The following EPHA3 variants were observed in gnomAD, a reference collection of about 807,000 sequenced individuals.
EPHA3 encodes the protein EPH receptor A3, also known as ephrin type-A receptor 3.
In EPHA3, 42 loss-of-function variants were observed where a neutral mutation model predicts 107.1. The ratio of observed to expected loss-of-function variants is 0.39; its 90% CI spans 0.31 to 0.51. The LOEUF is 0.51. Among genes scored for constraint, EPHA3 ranks in the 20% least tolerant of loss-of-function variants. The probability of loss-of-function intolerance (pLI) is 0.78; values close to 1 mark genes in which losing one functional copy is unlikely to be tolerated. For synonymous variants in EPHA3, 461 were observed against 424.8 expected, an observed-to-expected ratio of 1.09 and a Z score of -1.05; for missense variants, 1,183 against 1,211.2, an observed-to-expected ratio of 0.98 and a Z score of 0.35.
chr3:89,467,763 G>T (rs1392288002), intron 15 of EPHA3, among the ~76,000 whole-genome samples: 2 of 152,142 alleles, frequency 1.3e-5, no homozygotes, highest in Non-Finnish European at 2.9e-5. Flanking sequence ...GAAAGAAAGG[G>T]AAGAAAGTTA....
intron 2 of EPHA3, 138 bp from the exon 3 acceptor site, chr3:89,209,722 C>G (rs2107180341): frequency 1.4e-6 from 1 of 705,422 alleles, no homozygotes; most frequent in Middle Eastern, 3.9e-4. Flanking sequence ...GAGAACCTTG[C>G]AAATAAAAAC....
rs1256842246 is a variant in EPHA3 at position 89,450,306 on chromosome 3, A to C, written c.2626A>C (p.Ser876Arg). 6.2e-7 allele frequency: 1 copy of C among 1,614,040 alleles called. No individual in the cohort carries two copies. Among genetic ancestry groups the C allele is most frequent in the Admixed American group, 1.7e-5 (1 of 59,984 alleles). Reference protein sequence around the residue: ...NNRPKFEQIVSILDKLIRNPG... With the variant: ...NNRPKFEQIVRILDKLIRNPG... ...CAGACCCAAGTTTGAGCAGATTGTT[A>C]GTATTCTGGACAAGCTTATCCGGAA... The change falls in exon 15 of 17, where the codon AGT becomes CGT. Residue 876 changes from serine to arginine, a missense_variant. Ser to Arg is a moderately radical substitution (Grantham distance 110). Transcript: ENST00000336596.
chr3:89,393,781 ATTT>A (rs66531830), intron 5 of EPHA3, among the ~76,000 whole-genome samples: 4 of 151,326 alleles, frequency 2.6e-5, no homozygotes, highest in African/African-American at 4.9e-5. Flanking sequence ...GCAAAAATAA[ATTT>A]TTTTTTAAAA....
chr3:89,353,497 T>A, intron 5 of EPHA3, among the ~76,000 whole-genome samples: 1 of 151,332 alleles, frequency 6.6e-6, no homozygotes. Context: ...AATTTGGCCC[T>A]GAGAGTATAA....
rs531265233 is a variant in EPHA3, at chr3:89,242,440, T to C, written c.814+31920T>C. Reference sequence around the variant, plus strand: ...TTGTTGTTTTTGTTTTGTGTTTGTTTGTTTGTTTGTTTTTTGAGACGGAGT... The same window carrying C: ...TTGTTGTTTTTGTTTTGTGTTTGTTCGTTTGTTTGTTTTTTGAGACGGAGT... On this transcript the variant is annotated intron_variant, in intron 3 of 16. Coordinates refer to ENST00000336596, the MANE Select transcript of EPHA3 (RefSeq NM_005233.6). 3.3e-5 allele frequency among the ~76,000 whole-genome samples: 5 copies of C among 152,296 alleles called. No homozygotes were observed. The South Asian group carries it at 8.3e-4, about 25-fold the overall frequency.
At chr3:89,433,928 T>C (rs1709618077) in intron 13 of EPHA3, among the ~76,000 whole-genome samples, 1 of 152,192 alleles carries the variant, frequency 6.6e-6, no homozygotes, top group South Asian at 2.1e-4. Context: ...GTAGACACTA[T>C]ATGCAGCAAG....
intron 10 of EPHA3, among the ~76,000 whole-genome samples, chr3:89,415,645 T>C (rs1452206211): frequency 6.6e-6 from 1 of 151,026 alleles, no homozygotes; most frequent in Non-Finnish European, 1.5e-5. Flanking sequence ...AGTAGTAGAT[T>C]ACTAGAAGTG....
At chr3:89,372,953 C>A (rs1189536672) in intron 5 of EPHA3, among the ~76,000 whole-genome samples, 2 of 151,682 alleles carry the variant, frequency 1.3e-5, no homozygotes, top group African/African-American at 4.8e-5. Context: ...GTAGTTTGAT[C>A]AAATACATAT....
intron 1 of EPHA3, among the ~76,000 whole-genome samples, chr3:89,121,239 A>AAAAT (rs10699426): frequency 0.23 from 34,731 of 151,094 alleles, 4,118 homozygotes; most frequent in Middle Eastern, 0.33. Flanking sequence ...CCGTCTCAAA[A>AAAAT]AAATAAATAA....
At chr3:89,298,446 T>C (rs1374049850) in intron 3 of EPHA3, among the ~76,000 whole-genome samples, 14 of 152,184 alleles carry the variant, frequency 9.2e-5, no homozygotes, top group Non-Finnish European at 2.9e-5. Context: ...TATTGCACCA[T>C]AGGGTCATCC....
chr3:89,209,780 A>T, intron 2 of EPHA3, 80 bp from the exon 3 acceptor site: 1 of 1,190,450 alleles, frequency 8.4e-7, no homozygotes, highest in Non-Finnish European at 1.2e-6. Context: ...TATTATATAG[A>T]GATGGCTCTG....
chr3:89,317,621 T>A (rs1407064429), intron 3 of EPHA3, among the ~76,000 whole-genome samples: 12 of 151,810 alleles, frequency 7.9e-5, no homozygotes, highest in African/African-American at 1.4e-4. Flanking sequence ...AATAATCATT[T>A]TTGCAGTATA....
At chr3:89,237,553 A>T (rs1704796136) in intron 3 of EPHA3, among the ~76,000 whole-genome samples, 1 of 152,144 alleles carries the variant, frequency 6.6e-6, no homozygotes, top group African/African-American at 2.4e-5. Context: ...CTGCCCTATG[A>T]TTTCAACTGA....
intron 3 of EPHA3, among the ~76,000 whole-genome samples, chr3:89,226,901 A>G (rs1293562045): frequency 1.3e-5 from 2 of 152,082 alleles, no homozygotes; most frequent in Admixed American, 1.3e-4. Context: ...TATACATTCC[A>G]TTGCATAAGA....
chr3:89,386,416 C>A (rs554544994), intron 5 of EPHA3, among the ~76,000 whole-genome samples: 1 of 152,292 alleles, frequency 6.6e-6, no homozygotes, highest in Admixed American at 6.5e-5. Flanking sequence ...TAGCTTGGGC[C>A]ATGGCTTAAG....
chr3:89,136,536 G>T (rs1177535455), intron 2 of EPHA3, among the ~76,000 whole-genome samples: 1 of 151,408 alleles, frequency 6.6e-6, no homozygotes, highest in Non-Finnish European at 1.5e-5. Context: ...GTCTCTTTAT[G>T]AATTGTGTTC....
chr3:89,205,489 T>G (rs1456874669), intron 2 of EPHA3, among the ~76,000 whole-genome samples: 2 of 152,160 alleles, frequency 1.3e-5, no homozygotes, highest in African/African-American at 4.8e-5. Context: ...GACTGTCCAG[T>G]GGGAGAAAGT....
At chr3:89,138,613 A>C (rs1207840513) in intron 2 of EPHA3, among the ~76,000 whole-genome samples, 4 of 151,846 alleles carry the variant, frequency 2.6e-5, no homozygotes, top group East Asian at 1.9e-4. Context: ...ACAACATTTT[A>C]AGCAGGTGAT....
chr3:89,216,475 C>T (rs753358334), intron 3 of EPHA3, among the ~76,000 whole-genome samples: 2 of 151,916 alleles, frequency 1.3e-5, no homozygotes, highest in African/African-American at 4.8e-5. Context: ...TTATAGTTCT[C>T]CTATCATCTT....
Sources: gnomAD v4.1 joint callset for allele counts (sites outside exome capture counted in the v4.1 genomes callset) on GRCh38, gnomAD v4.1.1 for gene constraint, MANE v1.5 for transcripts, NCBI Gene and HGNC (gene_info 2026-07-23, HGNC 2026-07-21) for gene names.